Variants in TENM2 observed in about 807,000 individuals in gnomAD.
TENM2 encodes the protein teneurin transmembrane protein 2, also known as teneurin-2.
A neutral mutation model predicts 245.2 loss-of-function variants in TENM2; 52 were observed. The observed-to-expected ratio is 0.21, with a 90% CI of 0.17 to 0.27. TENM2 has a LOEUF of 0.27. Ranked by LOEUF, TENM2 falls within the 10% of genes least tolerant of loss-of-function variation. The pLI, the probability that TENM2 is intolerant of heterozygous loss-of-function variation, is 1.00. For synonymous variants in TENM2, 1,363 were observed against 1,438.9 expected, an observed-to-expected ratio of 0.95 and a Z score of 1.19; for missense variants, 3,046 against 3,666.8, an observed-to-expected ratio of 0.83 and a Z score of 4.37.
rs1310971779 is a variant in TENM2 at position 167,801,146 on chromosome 5, ATATATATG to A, written c.503-74832_503-74825del. On this transcript the variant is annotated intron_variant, in intron 2 of 28. Transcript: ENST00000518659. ...TATATATATATATATATATATATAT[ATATATATG>A]TATATATTCCCCAGGGTCAAAGTGT... 3.4e-3 allele frequency among the ~76,000 whole-genome samples: 340 copies of A among 100,030 alleles called. 5 individuals carry two copies. The highest frequency in any genetic ancestry group is 9.4e-3 in the African/African-American group (217 of 23,058). The allele number at this position is 100,030 out of a possible 152,430, so 65.6% of individuals were successfully genotyped here.
intron 2 of TENM2, among the ~76,000 whole-genome samples, chr5:167,813,615 G>A (rs1205679790): frequency 6.6e-6 from 1 of 152,072 alleles, no homozygotes; most frequent in African/African-American, 2.4e-5. Flanking sequence ...TTGACAGTAT[G>A]TTGACAAATT....
chr5:167,290,769 CAA>C (rs35347108), intron 1 of TENM2, among the ~76,000 whole-genome samples: 5,736 of 122,522 alleles, frequency 0.047, 340 homozygotes, highest in African/African-American at 0.14. Flanking sequence ...TTTTACAAGT[CAA>C]AAAAAAAAAA....
At chr5:168,066,041 G>A (rs1283250360) in intron 7 of TENM2, among the ~76,000 whole-genome samples, 1 of 152,156 alleles carries the variant, frequency 6.6e-6, no homozygotes, top group Non-Finnish European at 1.5e-5. Context: ...ACACCCTGCA[G>A]TGCACAGGGA....
At chr5:167,533,619 G>T (rs1437046376) in intron 2 of TENM2, among the ~76,000 whole-genome samples, 1 of 151,944 alleles carries the variant, frequency 6.6e-6, no homozygotes, top group African/African-American at 2.4e-5. Context: ...ACCACGCTTG[G>T]CTAACTTTTT....
At chr5:166,979,235 A>AGCC in the TENM2 span, among the ~76,000 whole-genome samples, 7 of 142,846 alleles carry the variant, frequency 4.9e-5, no homozygotes, top group Admixed American at 2.1e-4. Flanking sequence ...CAGCAGCAGC[A>AGCC]GCCGCCGCGG....
At chr5:167,745,037 G>C (rs1415220946) in intron 2 of TENM2, among the ~76,000 whole-genome samples, 1 of 152,078 alleles carries the variant, frequency 6.6e-6, no homozygotes, top group Non-Finnish European at 1.5e-5. Context: ...AAACTTTCTA[G>C]ACAGGCAACA....
At chr5:168,112,210 A>T (rs1477390923) in intron 9 of TENM2, among the ~76,000 whole-genome samples, 4 of 152,076 alleles carry the variant, frequency 2.6e-5, no homozygotes, top group African/African-American at 9.7e-5. Context: ...TGTTTAGGTC[A>T]TTAATCTGTA....
intron 13 of TENM2, among the ~76,000 whole-genome samples, chr5:168,180,908 T>TA (rs1465665418): frequency 3.0e-4 from 23 of 75,622 alleles, no homozygotes; most frequent in East Asian, 3.0e-3. Flanking sequence ...ATCTTAAAAT[T>TA]TAAAAAAAAA....
chr5:167,842,262 A>G (rs1050708575), intron 2 of TENM2, among the ~76,000 whole-genome samples: 6 of 151,174 alleles, frequency 4.0e-5, no homozygotes, highest in African/African-American at 1.5e-4. Context: ...GTGATTAAAA[A>G]CAAAAACAAA....
the TENM2 span, among the ~76,000 whole-genome samples, chr5:167,227,610 T>A: frequency 1.3e-5 from 2 of 152,234 alleles, no homozygotes; most frequent in African/African-American, 4.8e-5. Flanking sequence ...GTAAGGTTTC[T>A]ATGAAGAAAT....
chr5:168,216,480 A>G (rs1294818120), intron 21 of TENM2, among the ~76,000 whole-genome samples: 1 of 152,316 alleles, frequency 6.6e-6, no homozygotes, highest in East Asian at 1.9e-4. Context: ...TGCTTCATTC[A>G]TTTGCGGCCT....
At chr5:167,881,005 GA>G (rs1351991010) in intron 3 of TENM2, among the ~76,000 whole-genome samples, 1 of 152,282 alleles carries the variant, frequency 6.6e-6, no homozygotes, top group Non-Finnish European at 1.5e-5. Flanking sequence ...ATCCTCTCAT[GA>G]AAACTTCAGG....
At chr5:167,087,582 G>A in the TENM2 span, among the ~76,000 whole-genome samples, 1 of 152,158 alleles carries the variant, frequency 6.6e-6, no homozygotes, top group Non-Finnish European at 1.5e-5. Context: ...ACATAGAATA[G>A]TACCTTGCAT....
At chr5:168,153,380 A>C (rs985312844) in intron 12 of TENM2, among the ~76,000 whole-genome samples, 3 of 152,224 alleles carry the variant, frequency 2.0e-5, no homozygotes, top group Admixed American at 6.5e-5. Flanking sequence ...TAGAATTATG[A>C]GGAGTGCTAC....
chr5:167,921,799 T>C (rs954958938), intron 3 of TENM2, among the ~76,000 whole-genome samples: 16 of 152,192 alleles, frequency 1.1e-4, no homozygotes, highest in African/African-American at 3.6e-4. Flanking sequence ...ACAGACATTG[T>C]ACAAAGATTA....
At chr5:167,655,072 A>G (rs1458090860) in intron 2 of TENM2, among the ~76,000 whole-genome samples, 1 of 152,192 alleles carries the variant, frequency 6.6e-6, no homozygotes, top group African/African-American at 2.4e-5. Context: ...AAGATTACAG[A>G]CGATCGATAG....
At chr5:167,226,958 GTA>G in the TENM2 span, among the ~76,000 whole-genome samples, 4 of 151,712 alleles carry the variant, frequency 2.6e-5, no homozygotes, top group Non-Finnish European at 5.9e-5. Flanking sequence ...ATATATGTGT[GTA>G]TATATATAAT....
intron 2 of TENM2, among the ~76,000 whole-genome samples, chr5:167,828,263 G>C (rs1768155504): frequency 6.6e-6 from 1 of 152,106 alleles, no homozygotes. Context: ...CTGCATCTTT[G>C]TAGGACCGGC....
chr5:167,427,939 GGGAA>G lies in TENM2; in HGVS notation c.502+52483_502+52486del, dbSNP rs1338594705. 1.8e-4 allele frequency among the ~76,000 whole-genome samples: 27 copies of G among 151,144 alleles called. No homozygotes were observed. In the East Asian group the frequency reaches 2.9e-3, roughly 16 times the overall value. ...GGAAGGAAGGAAGGACGGGAAGGAA[GGGAA>G]GGAAGGAAGGAAGGAAAGAAAGAAA... On this transcript the variant is annotated intron_variant, in intron 2 of 28. Coordinates refer to ENST00000518659, the Ensembl canonical transcript of TENM2.
Sources: allele counts gnomAD v4.1 joint callset (sites outside exome capture counted in the v4.1 genomes callset), GRCh38; gene constraint gnomAD v4.1.1; transcripts MANE v1.5; gene names NCBI Gene and HGNC (gene_info 2026-07-23, HGNC 2026-07-21).